The following CEP128 variants were observed in gnomAD, a reference collection of about 807,000 sequenced individuals.
The protein encoded by CEP128 is centrosomal protein 128kDa.
A neutral mutation model predicts 156.7 loss-of-function variants in CEP128; 132 were observed. The ratio of observed to expected loss-of-function variants is 0.84; its 90% CI spans 0.73 to 0.97. The LOEUF is 0.97. Among genes scored for constraint, CEP128 ranks in the 50% least tolerant of loss-of-function variants. The pLI is 0.00. For synonymous variants in CEP128, 469 were observed against 448.9 expected (o/e 1.04, Z -0.57); for missense variants, 1,252 against 1,281.9 (o/e 0.98, Z 0.36).
At chr14:80,726,471 C>A (rs1898024975) in intron 19 of CEP128, among the ~76,000 whole-genome samples, 1 of 152,162 alleles carries the variant, frequency 6.6e-6, no homozygotes, top group Non-Finnish European at 1.5e-5. Flanking sequence ...CTTTTCATAG[C>A]TTTATATGTA....
chr14:80,878,959 C>T (rs1344491960), intron 8 of CEP128, among the ~76,000 whole-genome samples: 2 of 152,110 alleles, frequency 1.3e-5, no homozygotes. Context: ...CTAAGAATCC[C>T]CACTCTAAGG....
At chr14:80,655,635 A>C (rs996078021) in intron 19 of CEP128, among the ~76,000 whole-genome samples, 4 of 152,176 alleles carry the variant, frequency 2.6e-5, no homozygotes, top group Non-Finnish European at 5.9e-5. Context: ...CAGCTGACTG[A>C]AGCTGAGTTA....
intron 16 of CEP128, among the ~76,000 whole-genome samples, 164 bp from the exon 17 acceptor site, chr14:80,761,777 T>A (rs1047477160): frequency 2.6e-5 from 4 of 152,118 alleles, no homozygotes; most frequent in African/African-American, 9.7e-5. Flanking sequence ...ACTCATTAAC[T>A]GAGGTAAAAT....
intron 21 of CEP128, among the ~76,000 whole-genome samples, chr14:80,533,278 T>C (rs1302438911): frequency 6.6e-6 from 1 of 152,082 alleles, no homozygotes; most frequent in Admixed American, 6.5e-5. Flanking sequence ...TTGCATAAAA[T>C]CCTCTTCATA....
intron 2 of CEP128, among the ~76,000 whole-genome samples, chr14:80,950,580 C>A (rs993161366): frequency 6.6e-6 from 1 of 152,026 alleles, no homozygotes; most frequent in African/African-American, 2.4e-5. Flanking sequence ...GCAAAAGAAA[C>A]AATCCATAAT....
intron 19 of CEP128, among the ~76,000 whole-genome samples, chr14:80,699,766 T>A (rs757822006): frequency 4.2e-4 from 64 of 152,140 alleles, no homozygotes; most frequent in Non-Finnish European, 7.5e-4. Flanking sequence ...ATTCTGTGAT[T>A]TATCTGGAAG....
Position 80,654,155 on chromosome 14 carries a change from T to G in CEP128, c.2807-73732A>C, listed in dbSNP as rs546209849. Among the ~76,000 whole-genome samples the G allele has an allele frequency of 3.9e-5, 6 of 152,286 alleles. No homozygotes were observed. In the East Asian group the frequency reaches 1.2e-3, roughly 29 times the overall value. ...TAGGCATTTGTGACTCGTGAATCCC[T>G]GCTGGGTGTTATATAGTCTTGCCAT... On this transcript the variant is annotated intron_variant, in intron 19 of 24. Coordinates refer to ENST00000555265, the MANE Select transcript of CEP128 (RefSeq NM_152446.5).
rs1442724319 is a variant in CEP128 at position 80,784,908 on chromosome 14, A to G, written c.2198T>C (p.Ile733Thr). 14 of 1,610,062 alleles carry G rather than the reference A, an allele frequency of 8.7e-6. No homozygotes were observed. Among genetic ancestry groups the G allele is most frequent in the Admixed American group, 1.7e-5 (1 of 59,682 alleles). ...TAGCAGAGGTACCTTCAGAGTCCTGATATGATTCTCAGCCTCACTCTTTTC... is the reference window on the plus strand; with the variant it reads ...TAGCAGAGGTACCTTCAGAGTCCTGGTATGATTCTCAGCCTCACTCTTTTC... ...KKEKSEAENH[I>T]RTLKAESLEE... The change falls in exon 15 of 25, where the codon ATC (isoleucine) becomes ACC (threonine). Residue 733 changes from isoleucine (I) to threonine (T), a missense_variant. Transcript: ENST00000555265.
intron 9 of CEP128, among the ~76,000 whole-genome samples, chr14:80,854,556 G>A (rs1887053051): frequency 6.6e-6 from 1 of 151,998 alleles, no homozygotes; most frequent in African/African-American, 2.4e-5. Flanking sequence ...TTTTTTTAGG[G>A]GTAAGAGAAG....
intron 19 of CEP128, among the ~76,000 whole-genome samples, chr14:80,702,539 C>T (rs1425940283): frequency 2.0e-5 from 3 of 152,166 alleles, no homozygotes; most frequent in East Asian, 3.8e-4. Flanking sequence ...TTAACATTTA[C>T]TGAATACTTC....
intron 2 of CEP128, among the ~76,000 whole-genome samples, chr14:80,932,201 T>C (rs952016938): frequency 6.6e-6 from 1 of 152,260 alleles, no homozygotes; most frequent in Non-Finnish European, 1.5e-5. Flanking sequence ...TGCGGAACTA[T>C]GGGTCAATTA....
intron 19 of CEP128, among the ~76,000 whole-genome samples, chr14:80,701,919 C>G (rs1028750037): frequency 6.6e-6 from 1 of 152,172 alleles, no homozygotes; most frequent in Non-Finnish European, 1.5e-5. Context: ...GGATGGGATG[C>G]TCTTCTCCAA....
chr14:80,791,116 AT>A (rs913455418), intron 14 of CEP128, among the ~76,000 whole-genome samples: 1 of 151,904 alleles, frequency 6.6e-6, no homozygotes, highest in African/African-American at 2.4e-5. Context: ...ACATTTTTAA[AT>A]TTTTTTTCCA....
chr14:80,772,222 T>G (rs1900547404), intron 16 of CEP128, among the ~76,000 whole-genome samples: 1 of 152,040 alleles, frequency 6.6e-6, no homozygotes, highest in South Asian at 2.1e-4. Flanking sequence ...TCCCTCTATC[T>G]GGTACCCATA....
intron 14 of CEP128, among the ~76,000 whole-genome samples, chr14:80,791,134 T>C (rs1595403966): frequency 6.6e-6 from 1 of 152,314 alleles, no homozygotes; most frequent in East Asian, 1.9e-4. Context: ...TCCAAAATTA[T>C]TTACCATGTA....
At position 80,497,474 on chromosome 14, in the gene CEP128, C is replaced by T; in HGVS notation, c.*5G>A. 6.3e-7 allele frequency: 1 copy of T among 1,577,778 alleles called. No homozygotes were observed. Among genetic ancestry groups the T allele is most frequent in the Non-Finnish European group, 8.7e-7 (1 of 1,150,252 alleles). On this transcript the variant is annotated 3_prime_UTR_variant, in exon 25 of 25. Transcript: ENST00000555265. ...CATGTAAAATAACAAATTACATTTG[C>T]TTTTTTAGCTCCCATATTCCTCTTT...
chr14:80,813,076 G>C (rs968504533), intron 13 of CEP128, among the ~76,000 whole-genome samples: 1 of 151,900 alleles, frequency 6.6e-6, no homozygotes, highest in African/African-American at 2.4e-5. Flanking sequence ...GTTTGTTTTT[G>C]CTCATTAATT....
At chr14:80,488,790 A>C (rs1414713105), downstream of CEP128, among the ~76,000 whole-genome samples, 2 of 135,652 alleles carry the variant, frequency 1.5e-5, no homozygotes, top group Non-Finnish European at 3.3e-5. Flanking sequence ...CACACCATGG[A>C]ATACTATGCA....
intron 2 of CEP128, among the ~76,000 whole-genome samples, chr14:80,952,690 A>G (rs2139661614): frequency 6.6e-6 from 1 of 152,262 alleles, no homozygotes; most frequent in East Asian, 1.9e-4. Flanking sequence ...GCACAAAAAA[A>G]AATAGAGAAT....
Sources: gnomAD v4.1 joint callset for allele counts (sites outside exome capture counted in the v4.1 genomes callset) on GRCh38, gnomAD v4.1.1 for gene constraint, MANE v1.5 for transcripts, NCBI Gene and HGNC (gene_info 2026-07-23, HGNC 2026-07-21) for gene names.